CR2: variants seen among roughly 807,000 people sequenced by gnomAD.
CR2 encodes complement C3d receptor 2.
In CR2, 96 loss-of-function variants were observed where a neutral mutation model predicts 123.0. That is an observed-to-expected ratio of 0.78 (90% CI 0.66 to 0.93). The LOEUF (loss-of-function observed/expected upper bound fraction) is 0.93. Among genes scored for constraint, CR2 ranks in the 40% least tolerant of loss-of-function variants. The pLI, the probability that CR2 is intolerant of heterozygous loss-of-function variation, is 0.00. For missense variants in CR2, 1,258 were observed against 1,361.0 expected, an observed-to-expected ratio of 0.92 and a Z score of 1.19; for synonymous variants, 484 against 469.5, an observed-to-expected ratio of 1.03 and a Z score of -0.40.
chr1:207,458,154 C>T (rs915543400), intron 1 of CR2, among the ~76,000 whole-genome samples: 3 of 149,948 alleles, frequency 2.0e-5, no homozygotes, highest in African/African-American at 7.4e-5. Context: ...ATTGTGTAGC[C>T]CAAGTCAGAA....
intron 18 of CR2, among the ~76,000 whole-genome samples, chr1:207,484,588 T>C (rs970241118): frequency 1.3e-5 from 2 of 152,240 alleles, no homozygotes; most frequent in East Asian, 3.8e-4. Context: ...TCTTAACATA[T>C]CTCCTGTACA....
Position 207,470,071 on chromosome 1 carries a change from A to G in CR2, c.1194A>G (p.Thr398=), listed in dbSNP as rs375882459. ...SKQIRCNAQG[T]WEPSAPVCEK... ...AAATCCGATGCAATGCCCAAGGCAC[A>G]TGGGAGCCATCTGCACCAGTCTGTG... is the stretch of plus-strand genomic sequence containing the variant. Residue 398 remains threonine, a synonymous_variant, in exon 6 of 20, where the codon ACA becomes ACG. Coordinates refer to ENST00000367057, the MANE Select transcript of CR2 (RefSeq NM_001006658.3). 1.9e-6 allele frequency: 3 copies of G among 1,613,760 alleles called. No individual in the cohort carries two copies. Among genetic ancestry groups the G allele is most frequent in the Non-Finnish European group, 2.5e-6 (3 of 1,179,884 alleles).
intron 18 of CR2, among the ~76,000 whole-genome samples, chr1:207,483,294 T>C (rs950160924): frequency 6.6e-6 from 1 of 152,198 alleles, no homozygotes; most frequent in African/African-American, 2.4e-5. Context: ...GGCTCAGTTA[T>C]GTAATTCCTA....
At chr1:207,470,493 G>A (rs1041780350) in intron 6 of CR2, among the ~76,000 whole-genome samples, 2 of 152,108 alleles carry the variant, frequency 1.3e-5, no homozygotes, top group Admixed American at 6.6e-5. Context: ...GAGAGGAGTT[G>A]CAGAACCCAG....
chr1:207,481,080 T>C (rs1393102317), intron 18 of CR2, among the ~76,000 whole-genome samples: 5 of 152,194 alleles, frequency 3.3e-5, no homozygotes, highest in Admixed American at 3.3e-4. Flanking sequence ...TAATATTAAC[T>C]ATATTACTAC....
intron 9 of CR2, among the ~76,000 whole-genome samples, chr1:207,472,290 C>T (rs978433518): frequency 1.3e-5 from 2 of 151,992 alleles, no homozygotes; most frequent in Non-Finnish European, 2.9e-5. Context: ...TTAAAAAACA[C>T]TACAGACTTC....
rs867967019 is a variant in CR2, at chr1:207,454,817, G to T, written c.58+341G>T. The T allele has an allele frequency of 1.2e-4, 35 of 282,166 alleles. No homozygotes were observed. The highest frequency in any genetic ancestry group is 6.4e-4 in the African/African-American group (29 of 45,040). 17.5% of individuals were successfully genotyped at this position (282,166 alleles called of 1,614,324 possible). On this transcript the variant is annotated intron_variant, in intron 1 of 19. Coordinates refer to ENST00000367057, the MANE Select transcript of CR2 (RefSeq NM_001006658.3). The surrounding 1 kb of genome is among the most constrained non-coding windows in gnomAD (Gnocchi z 4.3). ...GGTGCTCATCGCTCTCTGGCCGGCGGTCAGCGCTACCGCTCGCCACGGGAA... is the reference window on the plus strand; with the variant it reads ...GGTGCTCATCGCTCTCTGGCCGGCGTTCAGCGCTACCGCTCGCCACGGGAA...
At chr1:207,483,468 G>A (rs1425145128) in intron 18 of CR2, among the ~76,000 whole-genome samples, 4 of 152,074 alleles carry the variant, frequency 2.6e-5, no homozygotes, top group African/African-American at 9.7e-5. Flanking sequence ...GTTTACCAGA[G>A]TGTGTACCAC....
At chr1:207,484,574 ATCT>A (rs949159539) in intron 18 of CR2, among the ~76,000 whole-genome samples, 28 of 152,230 alleles carry the variant, frequency 1.8e-4, no homozygotes, top group Admixed American at 3.9e-4. Context: ...CTGTTTTATA[ATCT>A]TCTTAACATA....
intron 1 of CR2, among the ~76,000 whole-genome samples, chr1:207,465,419 AT>A (rs1658070110): frequency 2.0e-5 from 3 of 148,686 alleles, no homozygotes; most frequent in Admixed American, 1.3e-4. Flanking sequence ...ATATATATAT[AT>A]ATAATTATCA....
rs2102300624 is a variant in CR2, at chr1:207,466,640, T to C, written c.173T>C (p.Ile58Thr). 1 of 1,614,070 alleles carries C rather than the reference T, an allele frequency of 6.2e-7. No homozygotes were observed. Among genetic ancestry groups the C allele is most frequent in the South Asian group, 1.1e-5 (1 of 91,078 alleles). Residue 58 changes from isoleucine to threonine, a missense_variant, in exon 2 of 20, where the codon ATT becomes ACT. Coordinates refer to ENST00000367057, the MANE Select transcript of CR2 (RefSeq NM_001006658.3). ...AGTTGTTCAGGTACCTTCCGCCTCATTGGAGAAAAAAGTCTATTATGCATA... is the reference window on the plus strand; with the variant it reads ...AGTTGTTCAGGTACCTTCCGCCTCACTGGAGAAAAAAGTCTATTATGCATA... ...RYSCSGTFRLIGEKSLLCITK... is the reference protein window; with the variant it reads ...RYSCSGTFRLTGEKSLLCITK...
At position 207,486,365 on chromosome 1, in the gene CR2, T is replaced by C. The variant is rs530263800; in HGVS notation, c.*18+793T>C. Among the ~76,000 whole-genome samples, 93 of 151,670 alleles carry C rather than the reference T, an allele frequency of 6.1e-4. 1 individual carries two copies. The highest frequency in any genetic ancestry group is 2.1e-3 in the African/African-American group (86 of 41,308). The stretch of plus-strand genomic sequence containing the variant: ...GTTGGCGGCACAGCAAGGAGGCCAG[T>C]GTGGCCTACAGTTGTAGAGATGAAG... On this transcript the variant is annotated intron_variant, in intron 19 of 19. Coordinates refer to ENST00000367057, the MANE Select transcript of CR2 (RefSeq NM_001006658.3).
Position 207,466,893 on chromosome 1 carries a change from A to G in CR2, c.426A>G (p.Arg142=). The G allele has an allele frequency of 6.3e-7, 1 of 1,599,386 alleles. No homozygotes were observed. The highest frequency in any genetic ancestry group is 8.5e-7 in the Non-Finnish European group (1 of 1,173,710). Residue 142 remains arginine (R), a synonymous_variant, in exon 2 of 20, where the codon CGA becomes CGG. Transcript: ENST00000367057. ...CQANNMWGPT[R]LPTCVSVFPL... ...CAAATAATATGTGGGGGCCGACACG[A>G]CTACCAACCTGTGTAAGTGGTGAGT...
intron 2 of CR2, among the ~76,000 whole-genome samples, chr1:207,467,359 G>C (rs1658131219): frequency 6.6e-6 from 1 of 151,932 alleles, no homozygotes; most frequent in African/African-American, 2.4e-5. Flanking sequence ...TGCTCTCTGT[G>C]GTCTCTGTAA....
At chr1:207,486,194 GTACCCC>G (rs550629131) in intron 19 of CR2, among the ~76,000 whole-genome samples, 1,338 of 125,572 alleles carry the variant, frequency 0.011, 22 homozygotes, top group African/African-American at 0.039. Flanking sequence ...CTGCGCCACT[GTACCCC>G]AGCCTGGACA....
intron 1 of CR2, among the ~76,000 whole-genome samples, chr1:207,457,445 C>A (rs1256076795): frequency 2.0e-5 from 3 of 152,194 alleles, no homozygotes; most frequent in Non-Finnish European, 2.9e-5. Context: ...CCCAGGAAAT[C>A]CTTTATGGAC....
rs1008895183 is a variant in CR2 at position 207,454,768 on chromosome 1, G to A, written c.58+292G>A. ...GCGGGTGCTCGCGGTCTCCTGCCGG[G>A]CTCCCCGCCCCCAGGATTCTGCAGG... On this transcript the variant is annotated intron_variant, in intron 1 of 19. Coordinates refer to ENST00000367057, the MANE Select transcript of CR2 (RefSeq NM_001006658.3). The surrounding 1 kb of genome is among the most constrained non-coding windows in gnomAD (Gnocchi z 4.3). The A allele has an allele frequency of 1.0e-5, 4 of 394,452 alleles. No homozygotes were observed. The highest frequency in any genetic ancestry group is 1.8e-5 in the Non-Finnish European group (4 of 219,282). 24.4% of individuals were successfully genotyped at this position (394,452 alleles called of 1,614,324 possible).
intron 12 of CR2, among the ~76,000 whole-genome samples, 158 bp from the exon 13 acceptor site, chr1:207,474,083 A>C (rs957330316): frequency 6.6e-6 from 1 of 152,150 alleles, no homozygotes; most frequent in Non-Finnish European, 1.5e-5. Context: ...TGCTTAACTC[A>C]AAAGTAGTTT....
chr1:207,454,556 G>A lies in CR2; in HGVS notation c.58+80G>A. ...TCTGTGCCGCGATGCAAAGCAGGGG[G>A]CCAAAAGCGAGACGGTGGGGGCAGT... On this transcript the variant is annotated intron_variant, in intron 1 of 19. Coordinates refer to ENST00000367057, the MANE Select transcript of CR2 (RefSeq NM_001006658.3). The surrounding 1 kb of genome is among the most constrained non-coding windows in gnomAD (Gnocchi z 4.3). The A allele has an allele frequency of 1.7e-6, 2 of 1,150,580 alleles. No individual in the cohort carries two copies. The highest frequency in any genetic ancestry group is 2.5e-5 in the Admixed American group (1 of 39,314). 71.3% of individuals were successfully genotyped at this position (1,150,580 alleles called of 1,614,324 possible).
Sources: gnomAD v4.1 joint callset for allele counts (sites outside exome capture counted in the v4.1 genomes callset) on GRCh38, gnomAD v4.1.1 for gene constraint, Gnocchi (gnomAD v3.1) non-coding constraint, MANE v1.5 for transcripts, NCBI Gene and HGNC (gene_info 2026-07-23, HGNC 2026-07-21) for gene names.